The following MTA3 variants were observed in gnomAD, a reference collection of about 807,000 sequenced individuals.
MTA3 encodes metastasis associated 1 family member 3.
A neutral mutation model predicts 83.5 loss-of-function variants in MTA3; 34 were observed. The ratio of observed to expected loss-of-function variants is 0.41; its 90% confidence interval spans 0.31 to 0.54. The LOEUF (loss-of-function observed/expected upper bound fraction) is 0.54, where lower values mean the gene tolerates loss of function less well. Ranked by LOEUF, MTA3 falls within the 20% of genes least tolerant of loss-of-function variation. MTA3 has a pLI of 0.33. For missense variants in MTA3, 761 were observed against 726.4 expected, an observed-to-expected ratio of 1.05 and a Z score of -0.55; for synonymous variants, 303 against 252.7, an observed-to-expected ratio of 1.20 and a Z score of -1.89.
chr2:42,694,792 T>G (rs1179851230), intron 9 of MTA3, among the ~76,000 whole-genome samples: 1 of 152,140 alleles, frequency 6.6e-6, no homozygotes, highest in Admixed American at 6.6e-5. Flanking sequence ...ATGCCGTTTC[T>G]AAAATAGTGC....
chr2:42,527,122 G>C (rs13408885), intron 2 of MTA3, among the ~76,000 whole-genome samples: 1 of 146,886 alleles, frequency 6.8e-6, no homozygotes, highest in Non-Finnish European at 1.5e-5. Flanking sequence ...AATGTACTCC[G>C]AGTTTCCAGA....
intron 14 of MTA3, chr2:42,712,815 A>G (rs1022081493): frequency 2.0e-5 from 3 of 152,208 alleles, no homozygotes; most frequent in African/African-American, 7.2e-5. Flanking sequence ...AGCAAGGATG[A>G]CAACACAAAT....
intron 4 of MTA3, among the ~76,000 whole-genome samples, chr2:42,611,341 C>CACACACACCCACA (rs1462110821): frequency 6.7e-6 from 1 of 149,514 alleles, no homozygotes; most frequent in East Asian, 2.0e-4. Context: ...ACACACACAC[C>CACACACACCCACA]CCCTCACACA....
At chr2:42,510,271 A>G (rs1405433334) in intron 2 of MTA3, among the ~76,000 whole-genome samples, 1 of 149,222 alleles carries the variant, frequency 6.7e-6, no homozygotes, top group Non-Finnish European at 1.5e-5. Flanking sequence ...GGTTGCAGTG[A>G]GCTGAGATTG....
chr2:42,549,403 GTATATAATATATATTATATAA>G (rs1363874244), intron 2 of MTA3, among the ~76,000 whole-genome samples: 7 of 109,228 alleles, frequency 6.4e-5, no homozygotes, highest in South Asian at 2.5e-4. Flanking sequence ...TTATATATAC[GTATATAATATATATTATATAA>G]TATATAATAT....
At chr2:42,750,441 A>G (rs756421384) in intron 16 of MTA3, among the ~76,000 whole-genome samples, 3 of 151,926 alleles carry the variant, frequency 2.0e-5, no homozygotes, top group African/African-American at 7.3e-5. Context: ...TTGTCAAACA[A>G]TGTTTAAAAG....
At chr2:42,555,455 C>CAAACA in intron 2 of MTA3, among the ~76,000 whole-genome samples, 1 of 54,352 alleles carries the variant, frequency 1.8e-5, no homozygotes, top group East Asian at 5.4e-4. Flanking sequence ...AACTCCATCT[C>CAAACA]AAAAAAAAAA....
chr2:42,710,066 C>G (rs985318251), intron 14 of MTA3, among the ~76,000 whole-genome samples: 2 of 152,082 alleles, frequency 1.3e-5, no homozygotes, highest in Non-Finnish European at 2.9e-5. Context: ...TCTGGCCTAA[C>G]AGATAGGAAA....
At position 42,754,143 on chromosome 2, in the gene MTA3, A is replaced by G; in HGVS notation, c.*744A>G. 1.0e-6 allele frequency: 1 copy of G among 985,478 alleles called. No homozygotes were observed. Among genetic ancestry groups the G allele is most frequent in the Non-Finnish European group, 1.2e-6 (1 of 829,960 alleles). The allele number at this position is 985,478 out of a possible 1,614,324, so 61.0% of individuals were successfully genotyped here. On this transcript the variant is annotated 3_prime_UTR_variant, in exon 17 of 17. Coordinates refer to ENST00000405094, the MANE Select transcript of MTA3 (RefSeq NM_001330442.2). The stretch of plus-strand genomic sequence containing the variant: ...CTGCTTGGTCACAGACAGCTCCAGC[A>G]AGAGCAGTTGTTAAAAGTGCCAAGC...
At chr2:42,505,926 G>A (rs897620106) in intron 2 of MTA3, among the ~76,000 whole-genome samples, 13 of 151,624 alleles carry the variant, frequency 8.6e-5, no homozygotes, top group Non-Finnish European at 1.6e-4. Flanking sequence ...CTGCCACCAC[G>A]CCTGGCTAAT....
chr2:42,557,456 T>A (rs1394249384), intron 2 of MTA3, among the ~76,000 whole-genome samples: 2 of 152,140 alleles, frequency 1.3e-5, no homozygotes, highest in Non-Finnish European at 2.9e-5. Context: ...GCTGGACGGA[T>A]TCTGGGTGTC....
chr2:42,633,049 G>A (rs1222789185), intron 4 of MTA3, among the ~76,000 whole-genome samples: 1 of 151,848 alleles, frequency 6.6e-6, no homozygotes, highest in Admixed American at 6.6e-5. Context: ...CGGATCATGA[G>A]GTCAAGAGCT....
chr2:42,655,831 G>C (rs953503261), intron 6 of MTA3, among the ~76,000 whole-genome samples: 10 of 152,166 alleles, frequency 6.6e-5, no homozygotes, highest in African/African-American at 2.2e-4. Flanking sequence ...TCAAACTTCT[G>C]GCCTCAAGTG....
chr2:42,695,905 A>AT (rs1233984280), intron 10 of MTA3, 66 bp downstream of exon 10: 2 of 1,135,598 alleles, frequency 1.8e-6, no homozygotes, highest in Non-Finnish European at 2.5e-6. Context: ...ATATTTTAAT[A>AT]TTTTTTGGCG....
chr2:42,533,075 G>A (rs1454743202), intron 2 of MTA3: 1 of 169,506 alleles, frequency 5.9e-6, no homozygotes, highest in East Asian at 1.8e-4. Flanking sequence ...TAACACTTGT[G>A]GGGCATTCTT....
intron 3 of MTA3, among the ~76,000 whole-genome samples, chr2:42,581,431 A>G (rs1272583017): frequency 7.1e-6 from 1 of 141,400 alleles, no homozygotes; most frequent in East Asian, 2.1e-4. Flanking sequence ...GTGCAGTGGC[A>G]GGATCATAGC....
chr2:42,578,286 G>T (rs1679263654), intron 2 of MTA3, among the ~76,000 whole-genome samples: 1 of 152,162 alleles, frequency 6.6e-6, no homozygotes, highest in Non-Finnish European at 1.5e-5. Flanking sequence ...AGAGCTCTCA[G>T]AATTCTAGAG....
chr2:42,534,447 A>T (rs1170572584), intron 2 of MTA3, among the ~76,000 whole-genome samples: 3 of 152,148 alleles, frequency 2.0e-5, no homozygotes, highest in Non-Finnish European at 4.4e-5. Flanking sequence ...AATACAAAAA[A>T]TTAGCCAGGA....
intron 16 of MTA3, among the ~76,000 whole-genome samples, chr2:42,748,911 C>A (rs906826745): frequency 1.3e-5 from 2 of 152,218 alleles, no homozygotes; most frequent in African/African-American, 4.8e-5. Flanking sequence ...TATTAAGCCT[C>A]ACATATTTCA....
Sources: allele counts gnomAD v4.1 joint callset (sites outside exome capture counted in the v4.1 genomes callset), GRCh38; gene constraint gnomAD v4.1.1; transcripts MANE v1.5; gene names NCBI Gene and HGNC (gene_info 2026-07-23, HGNC 2026-07-21).